The following BPGM variants were observed in gnomAD, a reference collection of about 807,000 sequenced individuals.
BPGM encodes 2,3-bisphosphoglycerate mutase, erythrocyte.
A neutral mutation model predicts 21.6 loss-of-function variants in BPGM; 15 were observed. The observed-to-expected ratio is 0.70, with a 90% CI of 0.47 to 1.07. The LOEUF is 1.07. Ranked by LOEUF, BPGM falls within the 50% of genes least tolerant of loss-of-function variation. The probability of loss-of-function intolerance (pLI) is 0.00; values close to 1 mark genes in which losing one functional copy is unlikely to be tolerated. For missense variants in BPGM, 273 were observed against 319.0 expected (o/e 0.86, Z 1.10); for synonymous variants, 113 against 116.2 (o/e 0.97, Z 0.18).
rs1039547751 is a variant in BPGM, at chr7:134,665,775, TTTTTA to T, written c.601+3682_601+3686del. Among the ~76,000 whole-genome samples, 7 of 151,642 alleles carry T rather than the reference TTTTTA, an allele frequency of 4.6e-5. No individual in the cohort carries two copies. In the East Asian group the frequency reaches 5.8e-4, roughly 13 times the overall value. On this transcript the variant is annotated intron_variant, in intron 2 of 2. Coordinates refer to ENST00000344924, the MANE Select transcript of BPGM (RefSeq NM_001724.5). ...GCTTCCAGTCCTTCATCTAAAGGGC[TTTTTA>T]TTTTATTTTATTTTTTATTTTTATT... is the stretch of plus-strand genomic sequence containing the variant.
chr7:134,678,641 G>C (rs931816299), intron 2 of BPGM, among the ~76,000 whole-genome samples: 3 of 152,178 alleles, frequency 2.0e-5, no homozygotes, highest in African/African-American at 7.2e-5. Context: ...GGTATCTACT[G>C]TCCTGATGTA....
In BPGM at chr7:134,671,151, TCAATTCAGG is replaced by T. The variant is rs1219250420; in HGVS notation, c.602-7701_602-7693del. Reference sequence around the variant, plus strand: ...GAAAACCCAGAGAGTTCGAATTTATTCAATTCAGGTTTGCACCTAGGGTTCACTAAATCA... The same window carrying T: ...GAAAACCCAGAGAGTTCGAATTTATTTTTGCACCTAGGGTTCACTAAATCA... On this transcript the variant is annotated intron_variant, in intron 2 of 2. Coordinates refer to ENST00000344924, the MANE Select transcript of BPGM (RefSeq NM_001724.5). 1.5e-4 allele frequency among the ~76,000 whole-genome samples: 23 copies of T among 152,268 alleles called. No homozygotes were observed. In the East Asian group the frequency reaches 3.5e-3, roughly 23 times the overall value.
At chr7:134,671,653 C>T (rs1268554743) in intron 2 of BPGM, among the ~76,000 whole-genome samples, 4 of 152,190 alleles carry the variant, frequency 2.6e-5, no homozygotes, top group Non-Finnish European at 5.9e-5. Context: ...CATGAGCCAC[C>T]ACACCCAGCC....
intron 1 of BPGM, among the ~76,000 whole-genome samples, chr7:134,649,269 T>C (rs904194420): frequency 1.3e-5 from 2 of 152,236 alleles, no homozygotes; most frequent in East Asian, 1.9e-4. Flanking sequence ...TATACTCTTT[T>C]GTGTTCCTAT....
intron 1 of BPGM, among the ~76,000 whole-genome samples, chr7:134,656,717 C>G (rs10224390): frequency 0.48 from 73,620 of 152,026 alleles, 18,080 homozygotes; most frequent in East Asian, 0.69. Context: ...CTGGGTCCCT[C>G]CCATGACACA....
At chr7:134,655,330 A>AC (rs1252344779) in intron 1 of BPGM, among the ~76,000 whole-genome samples, 1 of 151,950 alleles carries the variant, frequency 6.6e-6, no homozygotes, top group African/African-American at 2.4e-5. Flanking sequence ...CTTCATGTTC[A>AC]CCTTGTTCGT....
chr7:134,657,655 C>A (rs934936042), intron 1 of BPGM, among the ~76,000 whole-genome samples: 2 of 152,150 alleles, frequency 1.3e-5, no homozygotes, highest in African/African-American at 4.8e-5. Flanking sequence ...GAGAGAGAAG[C>A]AGTGTCACCT....
chr7:134,666,844 C>T (rs1795828466), intron 2 of BPGM, among the ~76,000 whole-genome samples: 1 of 152,176 alleles, frequency 6.6e-6, no homozygotes. Flanking sequence ...CCCAAGTATT[C>T]TTTTTCACAA....
chr7:134,654,461 A>C (rs1170614144), intron 1 of BPGM, among the ~76,000 whole-genome samples: 1 of 152,204 alleles, frequency 6.6e-6, no homozygotes, highest in East Asian at 1.9e-4. Flanking sequence ...CTGTTACCTT[A>C]GGCAAGTTAA....
At chr7:134,656,760 A>G (rs1394999856) in intron 1 of BPGM, among the ~76,000 whole-genome samples, 1 of 152,174 alleles carries the variant, frequency 6.6e-6, no homozygotes, top group Non-Finnish European at 1.5e-5. Flanking sequence ...TCAAGATGAA[A>G]TTTGGTCTTG....
At chr7:134,668,219 G>T (rs905061994) in intron 2 of BPGM, among the ~76,000 whole-genome samples, 3 of 152,208 alleles carry the variant, frequency 2.0e-5, no homozygotes, top group African/African-American at 7.2e-5. Flanking sequence ...GAAATCTAAA[G>T]AGACTCTAGA....
intron 2 of BPGM, among the ~76,000 whole-genome samples, chr7:134,669,141 A>C (rs1252116609): frequency 1.3e-5 from 2 of 152,212 alleles, no homozygotes; most frequent in Admixed American, 6.5e-5. Flanking sequence ...AATAGACTAC[A>C]TTAGTCAATT....
At position 134,661,358 on chromosome 7, in the gene BPGM, CT is replaced by C. The variant is rs1795727139; in HGVS notation, c.-61-85del. 6 of 1,143,200 alleles carry C rather than the reference CT, an allele frequency of 5.2e-6. No individual in the cohort carries two copies. The South Asian group carries it at 7.1e-5, about 14-fold the overall frequency. The allele number at this position is 1,143,200 out of a possible 1,614,324, so 70.8% of individuals were successfully genotyped here. A position where few individuals can be genotyped will look rare whatever the true frequency, so the allele number is the denominator to read the frequency against. ...TGACTGTTCAAAGGGATTTCAGTTT[CT>C]TTTAGAAATTGGGTGTTGTAAAGCG... On this transcript the variant is annotated intron_variant, in intron 1 of 2. Coordinates refer to ENST00000344924, the MANE Select transcript of BPGM (RefSeq NM_001724.5). The surrounding 1 kb of genome is among the most constrained non-coding windows in gnomAD (Gnocchi z 4.6).
chr7:134,660,445 A>C (rs1585857192), intron 1 of BPGM: 1 of 152,706 alleles, frequency 6.5e-6, no homozygotes, highest in Admixed American at 6.5e-5. Flanking sequence ...AGGCGGGCTG[A>C]GCAGCCATGT....
At chr7:134,674,014 G>A (rs1479052418) in intron 2 of BPGM, among the ~76,000 whole-genome samples, 1 of 149,228 alleles carries the variant, frequency 6.7e-6, no homozygotes, top group Non-Finnish European at 1.5e-5. Context: ...CCAGGATCAA[G>A]CAATTCTCCT....
Position 134,661,586 on chromosome 7 carries a change from G to A in BPGM, c.79G>A (p.Asp27Asn), listed in dbSNP as rs1795731952. Residue 27 changes from aspartate to asparagine, a missense_variant, in exon 2 of 3, where the codon GAT becomes AAT. By Grantham distance (23) the Asp-to-Asn change is conservative. Coordinates refer to ENST00000344924, the MANE Select transcript of BPGM (RefSeq NM_001724.5). This position sits in a 1 kb window ranked among gnomAD's most constrained non-coding sequence, Gnocchi z 4.6. ...NKENRFCSWV[D>N]QKLNSEGMEE... Reference sequence around the variant, plus strand: ...GGAGAACCGTTTTTGTAGCTGGGTGGATCAGAAACTCAACAGCGAAGGAAT... The same window carrying A: ...GGAGAACCGTTTTTGTAGCTGGGTGAATCAGAAACTCAACAGCGAAGGAAT... 1 of 1,614,070 alleles carries A rather than the reference G, an allele frequency of 6.2e-7. No homozygotes were observed. Among genetic ancestry groups the A allele is most frequent in the South Asian group, 1.1e-5 (1 of 91,090 alleles).
chr7:134,652,063 T>C (rs748599011), intron 1 of BPGM, among the ~76,000 whole-genome samples: 204 of 152,316 alleles, frequency 1.3e-3, no homozygotes, highest in Non-Finnish European at 2.5e-3. Flanking sequence ...TAAGCAAAAG[T>C]CAAGTACTCA....
chr7:134,679,209 T>G lies in BPGM; in HGVS notation c.*178T>G. 2.9e-6 allele frequency: 2 copies of G among 678,668 alleles called. No homozygotes were observed. The highest frequency in any genetic ancestry group is 4.9e-6 in the Non-Finnish European group (2 of 406,464). 42.0% of individuals were successfully genotyped at this position (678,668 alleles called of 1,614,324 possible). On this transcript the variant is annotated 3_prime_UTR_variant, in exon 3 of 3. Coordinates refer to ENST00000344924, the MANE Select transcript of BPGM (RefSeq NM_001724.5). ...ATAAGGCTTTAGGATGCCTCAGTGC[T>G]TATGTCATAGCCTTATGAGTTAGCT...
Position 134,665,865 on chromosome 7 carries a change from A to ATTTTC in BPGM, c.601+3782_601+3786dup, listed in dbSNP as rs144380412. Among the ~76,000 whole-genome samples the ATTTTC allele has an allele frequency of 4.0e-3, 600 of 150,426 alleles. 6 individuals carry two copies. The highest frequency in any genetic ancestry group is 0.014 in the South Asian group (66 of 4,744). ...TTCTTTTCTTTTAGAGATTAATGAC[A>ATTTTC]TTTTCTTTTCTTTTCTTTTCTTTTC... On this transcript the variant is annotated intron_variant, in intron 2 of 2. Transcript: ENST00000344924.
Sources: allele counts gnomAD v4.1 joint callset (sites outside exome capture counted in the v4.1 genomes callset), GRCh38; gene constraint gnomAD v4.1.1; non-coding constraint Gnocchi (gnomAD v3.1); transcripts MANE v1.5; gene names NCBI Gene and HGNC (gene_info 2026-07-23, HGNC 2026-07-21).